The following ENPP6 variants were observed in gnomAD, a reference collection of about 807,000 sequenced individuals.
ENPP6 encodes ectonucleotide pyrophosphatase/phosphodiesterase 6.
A neutral mutation model predicts 42.0 loss-of-function variants in ENPP6; 32 were observed. The observed-to-expected ratio is 0.76, with a 90% CI of 0.58 to 1.02. ENPP6 has a LOEUF of 1.02. Among genes scored for constraint, ENPP6 ranks in the 50% least tolerant of loss-of-function variants. The pLI is 0.00. For missense variants in ENPP6, 552 were observed against 566.8 expected, an observed-to-expected ratio of 0.97 and a Z score of 0.27; for synonymous variants, 213 against 216.0, an observed-to-expected ratio of 0.99 and a Z score of 0.12.
At position 184,152,964 on chromosome 4, in the gene ENPP6, TTCTC is replaced by T. The variant is rs1737081440; in HGVS notation, c.421+586_421+589del. On this transcript the variant is annotated intron_variant, in intron 2 of 7. Transcript: ENST00000296741. ...GTAAAGCAAGTAAGCACCCTATAAT[TTCTC>T]TCTCCTGTATATCCAACATTTTGCA... 4.6e-5 allele frequency among the ~76,000 whole-genome samples: 7 copies of T among 150,764 alleles called. No individual in the cohort carries two copies. In the South Asian group the frequency reaches 1.5e-3, roughly 32 times the overall value.
chr4:184,188,524 T>A (rs1430545463), intron 1 of ENPP6, among the ~76,000 whole-genome samples: 1 of 152,068 alleles, frequency 6.6e-6, no homozygotes, highest in Non-Finnish European at 1.5e-5. Flanking sequence ...TGTGTCACAG[T>A]CTTGCCACGC....
At chr4:184,115,715 A>G (rs1736301620) in intron 5 of ENPP6, among the ~76,000 whole-genome samples, 1 of 152,182 alleles carries the variant, frequency 6.6e-6, no homozygotes, top group African/African-American at 2.4e-5. Flanking sequence ...TCTGGCTTCC[A>G]ACTGAACACA....
intron 2 of ENPP6, among the ~76,000 whole-genome samples, chr4:184,145,379 T>C (rs2111371915): frequency 6.6e-6 from 1 of 152,304 alleles, no homozygotes; most frequent in Non-Finnish European, 1.5e-5. Flanking sequence ...TCCTTCAACA[T>C]GAAAGCATCA....
At chr4:184,171,479 A>C (rs910812158) in intron 1 of ENPP6, among the ~76,000 whole-genome samples, 1 of 152,252 alleles carries the variant, frequency 6.6e-6, no homozygotes, top group African/African-American at 2.4e-5. Flanking sequence ...TTGATGGGGG[A>C]ATGTCAATGT....
chr4:184,118,027 C>A, intron 3 of ENPP6, 127 bp from the exon 4 acceptor site: 1 of 1,199,596 alleles, frequency 8.3e-7, no homozygotes, highest in Non-Finnish European at 1.1e-6. Flanking sequence ...CAGACAAAGC[C>A]AATACCCTAA....
chr4:184,179,014 C>T (rs1329168714), intron 1 of ENPP6, among the ~76,000 whole-genome samples: 1 of 152,186 alleles, frequency 6.6e-6, no homozygotes, highest in Admixed American at 6.5e-5. Flanking sequence ...GGATCAAATT[C>T]ACACATAACA....
intron 1 of ENPP6, among the ~76,000 whole-genome samples, chr4:184,216,021 T>C (rs1414125795): frequency 6.6e-6 from 1 of 152,236 alleles, no homozygotes; most frequent in East Asian, 1.9e-4. Flanking sequence ...CTTGAGTCCT[T>C]TCTAAGATGG....
intron 6 of ENPP6, among the ~76,000 whole-genome samples, chr4:184,101,303 C>CG (rs1735999200): frequency 1.1e-5 from 1 of 89,638 alleles, no homozygotes; most frequent in African/African-American, 3.9e-5. Flanking sequence ...TGTGTGTGAG[C>CG]TTGTGTGTGT....
intron 1 of ENPP6, among the ~76,000 whole-genome samples, chr4:184,182,404 T>G (rs555426319): frequency 3.3e-5 from 5 of 152,266 alleles, no homozygotes; most frequent in African/African-American, 1.2e-4. Context: ...ACTTTCACAC[T>G]GTTGGTGGTA....
intron 2 of ENPP6, among the ~76,000 whole-genome samples, chr4:184,131,151 T>C (rs945529360): frequency 2.1e-5 from 1 of 47,740 alleles, no homozygotes; most frequent in Non-Finnish European, 4.3e-5. Flanking sequence ...CTTTCTTTCT[T>C]TCTTTCTTTC....
intron 2 of ENPP6, among the ~76,000 whole-genome samples, chr4:184,132,409 T>C (rs934276867): frequency 2.7e-5 from 4 of 149,078 alleles, no homozygotes; most frequent in African/African-American, 7.6e-5. Context: ...TTTTCCTTTT[T>C]ATTTATAGGA....
intron 1 of ENPP6, among the ~76,000 whole-genome samples, chr4:184,168,796 G>C (rs1314067035): frequency 6.6e-6 from 1 of 152,174 alleles, no homozygotes; most frequent in Admixed American, 6.5e-5. Flanking sequence ...GGGCAGGGCC[G>C]GCGGGCAGGC....
At chr4:184,118,217 T>C (rs1052498266) in intron 3 of ENPP6, among the ~76,000 whole-genome samples, 2 of 152,240 alleles carry the variant, frequency 1.3e-5, no homozygotes. Context: ...CGTGCACATT[T>C]AGCATTTCAG....
intron 2 of ENPP6, among the ~76,000 whole-genome samples, chr4:184,150,384 G>A (rs951555679): frequency 2.6e-5 from 4 of 152,052 alleles, no homozygotes; most frequent in Admixed American, 6.5e-5. Flanking sequence ...CTAGAGCAAC[G>A]AAGATTTTCC....
chr4:184,105,276 G>A (rs1448396222), intron 6 of ENPP6, among the ~76,000 whole-genome samples: 1 of 152,150 alleles, frequency 6.6e-6, no homozygotes, highest in Admixed American at 6.5e-5. Context: ...CAACTGTAGA[G>A]GTTTTTGCAG....
At chr4:184,119,495 C>T (rs929060163) in intron 3 of ENPP6, among the ~76,000 whole-genome samples, 1 of 152,112 alleles carries the variant, frequency 6.6e-6, no homozygotes, top group Non-Finnish European at 1.5e-5. Context: ...TTTGAAAATT[C>T]TCTTTTGACA....
intron 1 of ENPP6, among the ~76,000 whole-genome samples, chr4:184,160,360 G>C (rs979247588): frequency 6.6e-6 from 1 of 152,148 alleles, no homozygotes; most frequent in Non-Finnish European, 1.5e-5. Context: ...GGAGTAAGGT[G>C]GTATTGCATT....
intron 1 of ENPP6, among the ~76,000 whole-genome samples, chr4:184,206,255 T>C (rs960616823): frequency 1.5e-5 from 2 of 137,914 alleles, no homozygotes; most frequent in Non-Finnish European, 3.1e-5. Flanking sequence ...GCTTGAATTT[T>C]TTTTTTTTTT....
chr4:184,209,279 A>G (rs1400846765), intron 1 of ENPP6, among the ~76,000 whole-genome samples: 2 of 150,000 alleles, frequency 1.3e-5, no homozygotes, highest in South Asian at 2.1e-4. Context: ...CAGACGATCA[A>G]ATTACTCTGA....
Sources: allele counts gnomAD v4.1 joint callset (sites outside exome capture counted in the v4.1 genomes callset), GRCh38; gene constraint gnomAD v4.1.1; transcripts MANE v1.5; gene names NCBI Gene and HGNC (gene_info 2026-07-23, HGNC 2026-07-21).